The following CHODL variants were observed in gnomAD, a reference collection of about 807,000 sequenced individuals.
CHODL encodes the protein chondrolectin.
In CHODL, 29 loss-of-function variants were observed where a neutral mutation model predicts 34.5. The ratio of observed to expected loss-of-function variants is 0.84; its 90% CI spans 0.63 to 1.15. The LOEUF (loss-of-function observed/expected upper bound fraction) is 1.15, where lower values mean the gene tolerates loss of function less well. Ranked by LOEUF, CHODL falls within the 50% of genes most tolerant of loss-of-function variation. The pLI is 0.00. For missense variants in CHODL, 332 were observed against 332.5 expected (o/e 1.00, Z 0.01); for synonymous variants, 125 against 116.1 (o/e 1.08, Z -0.49).
intron 1 of CHODL, among the ~76,000 whole-genome samples, chr21:17,926,375 GGTT>G (rs1222299681): frequency 1.7e-5 from 1 of 60,558 alleles, no homozygotes; most frequent in Non-Finnish European, 4.3e-5. Context: ...AAATAAGGTG[GGTT>G]TTTTTTTTTT....
chr21:18,163,828 C>T (rs1378869426), intron 2 of CHODL, among the ~76,000 whole-genome samples: 1 of 152,062 alleles, frequency 6.6e-6, no homozygotes, highest in Admixed American at 6.6e-5. Flanking sequence ...TAAAGAGAAG[C>T]CTCAAAACTT....
At chr21:18,003,499 CT>C (rs1415801771) in intron 1 of CHODL, among the ~76,000 whole-genome samples, 2 of 151,830 alleles carry the variant, frequency 1.3e-5, no homozygotes, top group Non-Finnish European at 2.9e-5. Context: ...CTGTTAAGCA[CT>C]TCACATGTAT....
At chr21:18,031,691 C>T (rs1433294876) in intron 2 of CHODL, among the ~76,000 whole-genome samples, 1 of 152,004 alleles carries the variant, frequency 6.6e-6, no homozygotes, top group African/African-American at 2.4e-5. Flanking sequence ...AGAGGCCAGG[C>T]TTACTTGCAT....
chr21:18,208,173 T>TC (rs992340610), intron 2 of CHODL, among the ~76,000 whole-genome samples: 1 of 146,980 alleles, frequency 6.8e-6, no homozygotes, highest in Non-Finnish European at 1.5e-5. Flanking sequence ...TTCTTCTTCT[T>TC]TTTTTTTTTT....
At chr21:18,106,200 G>T (rs564042231) in intron 2 of CHODL, among the ~76,000 whole-genome samples, 7 of 152,298 alleles carry the variant, frequency 4.6e-5, no homozygotes, top group African/African-American at 1.7e-4. Context: ...GCAAATGGAA[G>T]TCTGACTTGG....
chr21:17,960,102 G>A (rs1309331528), intron 1 of CHODL, among the ~76,000 whole-genome samples: 1 of 152,096 alleles, frequency 6.6e-6, no homozygotes, highest in Non-Finnish European at 1.5e-5. Context: ...CCCTCAAGAT[G>A]CCTCAGGGAT....
At chr21:17,990,432 T>C (rs2063788020) in intron 1 of CHODL, among the ~76,000 whole-genome samples, 1 of 152,122 alleles carries the variant, frequency 6.6e-6, no homozygotes. Flanking sequence ...TTTATATCGT[T>C]CTTTCCTGTA....
intron 2 of CHODL, among the ~76,000 whole-genome samples, chr21:18,159,357 G>A (rs1006679197): frequency 2.6e-5 from 4 of 152,064 alleles, no homozygotes; most frequent in African/African-American, 7.2e-5. Context: ...TTTAATATGG[G>A]AACTATTTTG....
chr21:17,994,230 T>A (rs903229709), intron 1 of CHODL, among the ~76,000 whole-genome samples: 1 of 152,200 alleles, frequency 6.6e-6, no homozygotes. Flanking sequence ...TCTGGCAGTG[T>A]TAGTTCTGTG....
intron 2 of CHODL, among the ~76,000 whole-genome samples, chr21:18,170,507 G>A (rs1388255718): frequency 6.6e-6 from 1 of 151,784 alleles, no homozygotes; most frequent in African/African-American, 2.4e-5. Flanking sequence ...GCTTATTTGG[G>A]GTTAAACAGG....
At chr21:18,226,197 A>C (rs559987920) in intron 2 of CHODL, among the ~76,000 whole-genome samples, 66 of 152,346 alleles carry the variant, frequency 4.3e-4, no homozygotes, top group African/African-American at 1.4e-3. Flanking sequence ...CTTTTCCTTC[A>C]CACTTGGGAG....
At chr21:17,994,021 A>G (rs1568835005) in intron 1 of CHODL, among the ~76,000 whole-genome samples, 1 of 151,494 alleles carries the variant, frequency 6.6e-6, no homozygotes, top group Non-Finnish European at 1.5e-5. Context: ...TAGTTCAGCT[A>G]TTGCCTTATT....
intron 1 of CHODL, among the ~76,000 whole-genome samples, chr21:17,960,721 A>G (rs191973330): frequency 1.9e-4 from 29 of 152,166 alleles, no homozygotes; most frequent in Admixed American, 3.9e-4. Flanking sequence ...ATCTGTTTCC[A>G]TGATTTTAAC....
chr21:18,043,726 C>G (rs1422785625), intron 2 of CHODL, among the ~76,000 whole-genome samples: 1 of 151,914 alleles, frequency 6.6e-6, no homozygotes, highest in Non-Finnish European at 1.5e-5. Context: ...TTGTATTAGT[C>G]CATTTTCACA....
At chr21:18,148,715 T>C (rs1457850454) in intron 2 of CHODL, among the ~76,000 whole-genome samples, 2 of 152,188 alleles carry the variant, frequency 1.3e-5, no homozygotes, top group Non-Finnish European at 2.9e-5. Context: ...ACTGTACACA[T>C]TTCATTGTGT....
At chr21:18,123,031 T>TCCC (rs2065498842) in intron 2 of CHODL, among the ~76,000 whole-genome samples, 1 of 152,228 alleles carries the variant, frequency 6.6e-6, no homozygotes, top group South Asian at 2.1e-4. Flanking sequence ...ATTTAGGGCT[T>TCCC]AACATCAAAA....
rs375675120 is a variant in CHODL at position 18,040,327 on chromosome 21, G to A, written c.-45+12356G>A. On this transcript the variant is annotated intron_variant, in intron 2 of 6. Coordinates refer to the CHODL transcript ENST00000400127. ...TTATCTTTACAAAAGAGAAGGAGAC[G>A]ACATACAAAATTAATTTAAGTAAAG... 3.3e-5 allele frequency among the ~76,000 whole-genome samples: 5 copies of A among 151,862 alleles called. No homozygotes were observed. The East Asian group carries it at 5.8e-4, about 18-fold the overall frequency.
chr21:18,041,374 A>G (rs2064373956), intron 2 of CHODL, among the ~76,000 whole-genome samples: 1 of 151,986 alleles, frequency 6.6e-6, no homozygotes, highest in South Asian at 2.1e-4. Context: ...CCCATGTCAA[A>G]ATATATTTTG....
chr21:18,160,486 C>T (rs1202005681), intron 2 of CHODL, among the ~76,000 whole-genome samples: 2 of 152,092 alleles, frequency 1.3e-5, no homozygotes, highest in Non-Finnish European at 2.9e-5. Flanking sequence ...TCCTCCTCCT[C>T]CTCCCACCCT....
Sources: allele counts gnomAD v4.1 joint callset (sites outside exome capture counted in the v4.1 genomes callset), GRCh38; gene constraint gnomAD v4.1.1; transcripts MANE v1.5; gene names NCBI Gene and HGNC (gene_info 2026-07-23, HGNC 2026-07-21).